The following CHODL variants were observed in gnomAD, a reference collection of about 807,000 sequenced individuals.
CHODL encodes the protein transmembrane protein MT75.
In CHODL, 29 loss-of-function variants were observed where a neutral mutation model predicts 34.5. The observed-to-expected ratio is 0.84, with a 90% CI of 0.63 to 1.15. The LOEUF is 1.15. CHODL is among the 50% of genes most tolerant of loss of function. The probability of loss-of-function intolerance (pLI) is 0.00; values close to 1 mark genes in which losing one functional copy is unlikely to be tolerated. For synonymous variants in CHODL, 125 were observed against 116.1 expected, an observed-to-expected ratio of 1.08 and a Z score of -0.49; for missense variants, 332 against 332.5, an observed-to-expected ratio of 1.00 and a Z score of 0.01.
chr21:18,046,240 T>C (rs1434185461), intron 2 of CHODL, among the ~76,000 whole-genome samples: 1 of 151,806 alleles, frequency 6.6e-6, no homozygotes, highest in Non-Finnish European at 1.5e-5. Context: ...TTATTATGAG[T>C]CATGGGAAGC....
At chr21:17,927,166 A>G (rs1326845877) in intron 1 of CHODL, among the ~76,000 whole-genome samples, 1 of 145,196 alleles carries the variant, frequency 6.9e-6, no homozygotes, top group South Asian at 2.1e-4. Context: ...ATATGTATAT[A>G]TGTATATATG....
intron 2 of CHODL, among the ~76,000 whole-genome samples, chr21:18,087,379 G>A (rs2146523942): frequency 6.6e-6 from 1 of 152,144 alleles, no homozygotes; most frequent in East Asian, 1.9e-4. Context: ...GTCTGAGGGT[G>A]AGGTGCAGCC....
chr21:18,111,547 T>G lies in CHODL; in HGVS notation c.-45+83576T>G, dbSNP rs1220540905. Reference sequence around the variant, plus strand: ...AATTATTGCATCAGTTTTCTTAACCTTTACACAATGACAGGTTGGCTGTCA... The same window carrying G: ...AATTATTGCATCAGTTTTCTTAACCGTTACACAATGACAGGTTGGCTGTCA... On this transcript the variant is annotated intron_variant, in intron 2 of 6. Transcript: ENST00000400127. Among the ~76,000 whole-genome samples the G allele has an allele frequency of 3.3e-5, 5 of 152,268 alleles. No individual in the cohort carries two copies. The East Asian group carries it at 9.7e-4, about 29-fold the overall frequency.
intron 1 of CHODL, among the ~76,000 whole-genome samples, chr21:17,951,580 C>G (rs539414307): frequency 1.3e-5 from 2 of 152,110 alleles, no homozygotes; most frequent in Non-Finnish European, 2.9e-5. Context: ...CAGACTTTAA[C>G]TTATAGCTAT....
At chr21:18,075,871 G>A (rs980462099) in intron 2 of CHODL, among the ~76,000 whole-genome samples, 1 of 152,228 alleles carries the variant, frequency 6.6e-6, no homozygotes, top group East Asian at 1.9e-4. Context: ...TCGTGAGTAG[G>A]ATTAGTGCCT....
At chr21:18,167,233 G>C (rs2073167955) in intron 2 of CHODL, among the ~76,000 whole-genome samples, 1 of 150,616 alleles carries the variant, frequency 6.6e-6, no homozygotes, top group East Asian at 1.9e-4. Context: ...GTGTGTGTGT[G>C]TGTGTGTGTG....
At chr21:18,177,730 T>A (rs2073333596) in intron 2 of CHODL, among the ~76,000 whole-genome samples, 1 of 152,146 alleles carries the variant, frequency 6.6e-6, no homozygotes, top group Non-Finnish European at 1.5e-5. Context: ...TAAGATTTAC[T>A]TAATGTTATA....
intron 1 of CHODL, among the ~76,000 whole-genome samples, chr21:18,018,759 A>G (rs2064099443): frequency 1.3e-5 from 2 of 152,236 alleles, no homozygotes; most frequent in Admixed American, 1.3e-4. Flanking sequence ...ATTAAAAGTA[A>G]TGGGAAAAGC....
chr21:18,142,739 A>G (rs1207116700), intron 2 of CHODL, among the ~76,000 whole-genome samples: 1 of 152,176 alleles, frequency 6.6e-6, no homozygotes, highest in African/African-American at 2.4e-5. Context: ...CAAAACTTGT[A>G]TTCAGATCTG....
chr21:17,945,447 A>G (rs2063399409), intron 1 of CHODL, among the ~76,000 whole-genome samples: 1 of 152,216 alleles, frequency 6.6e-6, no homozygotes, highest in Non-Finnish European at 1.5e-5. Context: ...GAGATGAAGA[A>G]TACAATGATT....
chr21:17,922,776 C>G (rs952890237), intron 1 of CHODL, among the ~76,000 whole-genome samples: 1 of 152,108 alleles, frequency 6.6e-6, no homozygotes, highest in African/African-American at 2.4e-5. Flanking sequence ...CTCTGAATAT[C>G]TGAGACAGGT....
chr21:18,110,849 A>G (rs2065340836), intron 2 of CHODL, among the ~76,000 whole-genome samples: 1 of 151,962 alleles, frequency 6.6e-6, no homozygotes, highest in South Asian at 2.1e-4. Flanking sequence ...TTTCATTTTC[A>G]TATTTTTCTT....
intron 2 of CHODL, among the ~76,000 whole-genome samples, chr21:18,096,659 T>C (rs2065143460): frequency 6.6e-6 from 1 of 152,296 alleles, no homozygotes; most frequent in Non-Finnish European, 1.5e-5. Context: ...AAACCCTGTT[T>C]CCTGTTAAGA....
chr21:18,232,437 AC>A (rs1195808906), intron 2 of CHODL, among the ~76,000 whole-genome samples: 1 of 152,062 alleles, frequency 6.6e-6, no homozygotes, highest in Non-Finnish European at 1.5e-5. Flanking sequence ...TCTTCCTCAT[AC>A]ATGGCACCTT....
At chr21:17,976,371 T>C (rs188698569) in intron 1 of CHODL, among the ~76,000 whole-genome samples, 5 of 151,534 alleles carry the variant, frequency 3.3e-5, no homozygotes, top group Admixed American at 2.0e-4. Flanking sequence ...GGGTAGATAA[T>C]GGATTCTTTT....
chr21:17,919,984 C>T (rs1464404136), intron 1 of CHODL, among the ~76,000 whole-genome samples: 3 of 152,188 alleles, frequency 2.0e-5, no homozygotes, highest in Non-Finnish European at 4.4e-5. Flanking sequence ...CAGTTTCCAG[C>T]AAGTTCCTCA....
chr21:17,982,772 A>C (rs1600856563), intron 1 of CHODL, among the ~76,000 whole-genome samples: 1 of 125,148 alleles, frequency 8.0e-6, no homozygotes, highest in Admixed American at 1.1e-4. Flanking sequence ...CAGTGGCAGG[A>C]TCTTGGCTCA....
Position 18,028,282 on chromosome 21 carries a change from CCT to C in CHODL, c.-45+312_-45+313del, listed in dbSNP as rs1568851113. ...TCTTTTTCTTTTTCCTTTTCCCCTT[CCT>C]TCCTTCCTTCCTTCCTTCCTTCCTT... On this transcript the variant is annotated intron_variant, in intron 2 of 6. Coordinates refer to the CHODL transcript ENST00000400127. 7.6e-4 allele frequency among the ~76,000 whole-genome samples: 78 copies of C among 102,966 alleles called. 2 individuals are homozygous for C. The highest frequency in any genetic ancestry group is 2.6e-3 in the African/African-American group (73 of 28,434). 67.5% of individuals were successfully genotyped at this position (102,966 alleles called of 152,430 possible).
chr21:17,936,509 G>A (rs959373318), intron 1 of CHODL, among the ~76,000 whole-genome samples: 4 of 151,414 alleles, frequency 2.6e-5, no homozygotes, highest in African/African-American at 9.7e-5. Flanking sequence ...TTTGGAAAAT[G>A]TGGTAGTTTA....
Sources: gnomAD v4.1 joint callset for allele counts (sites outside exome capture counted in the v4.1 genomes callset) on GRCh38, gnomAD v4.1.1 for gene constraint, MANE v1.5 for transcripts, NCBI Gene and HGNC (gene_info 2026-07-23, HGNC 2026-07-21) for gene names.